Variants in RALGAPA2 observed in about 807,000 individuals in gnomAD.
RALGAPA2 encodes the protein ral GTPase-activating protein subunit alpha-2.
In RALGAPA2, 139 loss-of-function variants were observed where a neutral mutation model predicts 230.4. That is an observed-to-expected ratio of 0.60 (90% CI 0.53 to 0.69). The LOEUF is 0.69. RALGAPA2 is among the 30% of genes least tolerant of loss of function. RALGAPA2 has a pLI of 0.00. For synonymous variants in RALGAPA2, 847 were observed against 837.8 expected (o/e 1.01, Z -0.19); for missense variants, 2,163 against 2,276.0 (o/e 0.95, Z 1.01).
chr20:20,422,167 T>G (rs1343423701), intron 37 of RALGAPA2, among the ~76,000 whole-genome samples: 4 of 151,704 alleles, frequency 2.6e-5, no homozygotes, highest in Non-Finnish European at 5.9e-5. Context: ...GGGCATTCAG[T>G]TTCTTTTTGG....
chr20:20,418,618 T>C (rs900536086), intron 37 of RALGAPA2, among the ~76,000 whole-genome samples: 2 of 152,236 alleles, frequency 1.3e-5, no homozygotes, highest in Non-Finnish European at 2.9e-5. Flanking sequence ...GGATATTATA[T>C]AGCAGTGAAA....
At position 20,601,832 on chromosome 20, in the gene RALGAPA2, G is replaced by T. The variant is rs762003485; in HGVS notation, c.2053C>A (p.Pro685Thr). 6.3e-7 allele frequency: 1 copy of T among 1,598,162 alleles called. No homozygotes were observed. Among genetic ancestry groups the T allele is most frequent in the East Asian group, 2.2e-5 (1 of 44,684 alleles). ...KQRGKGCVLD[P>T]QKGTTVGRSF... Reference sequence around the variant, plus strand: ...CTCCCCACGGTGGTTCCTTTCTGAGGATCTAGAACACAGCCTGATAAAGGA... The same window carrying T: ...CTCCCCACGGTGGTTCCTTTCTGAGTATCTAGAACACAGCCTGATAAAGGA... Residue 685 changes from proline to threonine, a missense_variant, in exon 16 of 40, where the codon CCT becomes ACT. Physicochemically the swap from Pro to Thr is conservative, Grantham distance 38. Transcript: ENST00000202677.
chr20:20,542,511 A>G (rs1211990215), intron 24 of RALGAPA2, among the ~76,000 whole-genome samples: 1 of 152,220 alleles, frequency 6.6e-6, no homozygotes, highest in South Asian at 2.1e-4. Flanking sequence ...TTCAAACTCT[A>G]CTACAAGGAT....
chr20:20,433,207 GA>G (rs1198415076), intron 37 of RALGAPA2, among the ~76,000 whole-genome samples: 1 of 152,204 alleles, frequency 6.6e-6, no homozygotes, highest in Non-Finnish European at 1.5e-5. Context: ...ATCCTATGAA[GA>G]AAGTATTGTT....
chr20:20,647,214 A>C (rs1202661312), intron 4 of RALGAPA2, among the ~76,000 whole-genome samples: 2 of 152,218 alleles, frequency 1.3e-5, no homozygotes, highest in African/African-American at 4.8e-5. Context: ...CTTTAACATT[A>C]TAAAATCTTT....
chr20:20,452,863 C>T (rs1335193359), intron 37 of RALGAPA2, among the ~76,000 whole-genome samples: 3 of 152,208 alleles, frequency 2.0e-5, no homozygotes, highest in African/African-American at 4.8e-5. Context: ...TAAAATTCCA[C>T]AGGCATCTTT....
At chr20:20,707,743 C>G (rs2069664349) in intron 1 of RALGAPA2, among the ~76,000 whole-genome samples, 1 of 152,070 alleles carries the variant, frequency 6.6e-6, no homozygotes, top group Admixed American at 6.6e-5. Context: ...GATCCCCCAG[C>G]CAGCCTCAGC....
Position 20,635,540 on chromosome 20 carries a change from G to T in RALGAPA2, c.883C>A (p.Pro295Thr). 1 of 1,592,414 alleles carries T rather than the reference G, an allele frequency of 6.3e-7. No individual in the cohort carries two copies. The highest frequency in any genetic ancestry group is 8.5e-7 in the Non-Finnish European group (1 of 1,171,574). The change falls in exon 9 of 40, where the codon CCA becomes ACA. Residue 295 changes from proline to threonine, a missense_variant. Pro to Thr is a conservative substitution (Grantham distance 38). Coordinates refer to ENST00000202677, the MANE Select transcript of RALGAPA2 (RefSeq NM_020343.4). ...AAAACAACACGAGCTGCCATATATG[G>T]AATCTTTGTACTGTAAATGTTCTCA... ...DNENIYSTKI[P>T]YMAARVVFIK...
intron 33 of RALGAPA2, among the ~76,000 whole-genome samples, chr20:20,510,278 T>G (rs1467641276): frequency 6.6e-6 from 1 of 152,244 alleles, no homozygotes; most frequent in Non-Finnish European, 1.5e-5. Context: ...GATATGACTT[T>G]GTCAAGATAA....
chr20:20,555,323 T>C (rs1466799344), intron 23 of RALGAPA2, among the ~76,000 whole-genome samples: 1 of 152,258 alleles, frequency 6.6e-6, no homozygotes, highest in East Asian at 1.9e-4. Context: ...TGGATTACTC[T>C]AGCTTTTTAG....
At position 20,435,587 on chromosome 20, in the gene RALGAPA2, G is replaced by A. The variant is rs529817551; in HGVS notation, c.5496-23439C>T. On this transcript the variant is annotated intron_variant, in intron 37 of 39. Coordinates refer to ENST00000202677, the MANE Select transcript of RALGAPA2 (RefSeq NM_020343.4). ...TCACACCCTTACTAGAATGTTGGCTGCTGCAGAGCTGACAATGCTGTGCCA... is the reference window on the plus strand; with the variant it reads ...TCACACCCTTACTAGAATGTTGGCTACTGCAGAGCTGACAATGCTGTGCCA... 2.0e-5 allele frequency among the ~76,000 whole-genome samples: 3 copies of A among 152,348 alleles called. No individual in the cohort carries two copies. The South Asian group carries it at 6.2e-4, about 32-fold the overall frequency.
chr20:20,464,266 A>G (rs532149597), intron 37 of RALGAPA2, among the ~76,000 whole-genome samples: 1 of 152,222 alleles, frequency 6.6e-6, no homozygotes, highest in Non-Finnish European at 1.5e-5. Context: ...TTCAGCTGTC[A>G]GTATTTGCAT....
At chr20:20,654,273 C>G (rs1303488325) in intron 3 of RALGAPA2, among the ~76,000 whole-genome samples, 6 of 152,226 alleles carry the variant, frequency 3.9e-5, no homozygotes, top group Non-Finnish European at 8.8e-5. Context: ...ACTGCAACCT[C>G]TGCCTCCACG....
chr20:20,534,215 C>T (rs1358207906), intron 26 of RALGAPA2, among the ~76,000 whole-genome samples: 1 of 152,098 alleles, frequency 6.6e-6, no homozygotes, highest in Admixed American at 6.6e-5. Flanking sequence ...GAGGCTGAGG[C>T]AGGCAGATCA....
chr20:20,525,088 C>T (rs1028903555), intron 28 of RALGAPA2, among the ~76,000 whole-genome samples, 190 bp from the exon 29 acceptor site: 1 of 152,140 alleles, frequency 6.6e-6, no homozygotes, highest in African/African-American at 2.4e-5. Flanking sequence ...GGGGCCACAT[C>T]CAGTTTCCAC....
chr20:20,672,693 TTAAG>T (rs2068177634), intron 3 of RALGAPA2, among the ~76,000 whole-genome samples: 1 of 152,042 alleles, frequency 6.6e-6, no homozygotes, highest in Non-Finnish European at 1.5e-5. Context: ...ATCAACAAGT[TTAAG>T]TAAGAATCCT....
chr20:20,530,196 T>C (rs1439016205), intron 27 of RALGAPA2, among the ~76,000 whole-genome samples: 6 of 152,222 alleles, frequency 3.9e-5, no homozygotes, highest in African/African-American at 7.2e-5. Context: ...AGTCAGTTCA[T>C]CTACCTCATC....
At chr20:20,624,942 C>A (rs1284841847) in intron 10 of RALGAPA2, among the ~76,000 whole-genome samples, 1 of 152,172 alleles carries the variant, frequency 6.6e-6, no homozygotes, top group Non-Finnish European at 1.5e-5. Context: ...TCCCCATCCC[C>A]ACCCCAGGCA....
chr20:20,409,164 C>T (rs989193626), intron 38 of RALGAPA2, among the ~76,000 whole-genome samples: 3 of 152,180 alleles, frequency 2.0e-5, no homozygotes, highest in Non-Finnish European at 4.4e-5. Flanking sequence ...TGGGGAGAGT[C>T]AGAAGCAGAG....
Sources: gnomAD v4.1 joint callset for allele counts (sites outside exome capture counted in the v4.1 genomes callset) on GRCh38, gnomAD v4.1.1 for gene constraint, MANE v1.5 for transcripts, NCBI Gene and HGNC (gene_info 2026-07-23, HGNC 2026-07-21) for gene names.